Variants in RPTOR observed in about 807,000 individuals in gnomAD.
The protein encoded by RPTOR is regulatory associated protein of MTOR complex 1.
In RPTOR, 21 loss-of-function variants were observed where a neutral mutation model predicts 169.9. The ratio of observed to expected loss-of-function variants is 0.12; its 90% CI spans 0.09 to 0.18. The LOEUF (loss-of-function observed/expected upper bound fraction) is 0.18, where lower values mean the gene tolerates loss of function less well. Among genes scored for constraint, RPTOR ranks in the 10% least tolerant of loss-of-function variants. RPTOR has a pLI of 1.00. For synonymous variants in RPTOR, 732 were observed against 753.2 expected, an observed-to-expected ratio of 0.97 and a Z score of 0.46; for missense variants, 1,133 against 1,855.9, an observed-to-expected ratio of 0.61 and a Z score of 7.16.
chr17:80,719,886 A>G (rs1038954744), intron 4 of RPTOR, among the ~76,000 whole-genome samples: 30 of 152,120 alleles, frequency 2.0e-4, no homozygotes, highest in Admixed American at 1.9e-3. Context: ...TTATTCCATG[A>G]GCAATTCTAA....
Position 80,923,472 on chromosome 17 carries a change from T to C in RPTOR, c.2625-18T>C. The C allele has an allele frequency of 1.2e-6, 2 of 1,613,694 alleles. No individual in the cohort carries two copies. Among genetic ancestry groups the C allele is most frequent in the African/African-American group, 1.3e-5 (1 of 75,050 alleles). The stretch of plus-strand genomic sequence containing the variant: ...GACTCTGCAGAGGATGCAGTGTTTG[T>C]TTTTCTTCCAATGGCAGGGGCTCCC... On this transcript the variant is annotated intron_variant, in intron 22 of 33. Transcript: ENST00000306801.
Position 80,695,996 on chromosome 17 carries a change from T to C in RPTOR, c.349-11845T>C, listed in dbSNP as rs1422681918. 6.6e-6 allele frequency among the ~76,000 whole-genome samples: 1 copy of C among 152,246 alleles called. No homozygotes were observed. The highest frequency in any genetic ancestry group is 1.5e-5 in the Non-Finnish European group (1 of 68,042). Reference sequence around the variant, plus strand: ...CTTAGATGGAAATTGGCCGTGTCTCTGCTGTTTCTGAGTGTGCGACTCTCA... The same window carrying C: ...CTTAGATGGAAATTGGCCGTGTCTCCGCTGTTTCTGAGTGTGCGACTCTCA... On this transcript the variant is annotated intron_variant, in intron 3 of 33. Coordinates refer to ENST00000306801, the MANE Select transcript of RPTOR (RefSeq NM_020761.3). This position sits in a 1 kb window ranked among gnomAD's most constrained non-coding sequence, Gnocchi z 4.9.
chr17:80,948,119 G>T (rs1308775930), intron 27 of RPTOR, among the ~76,000 whole-genome samples: 1 of 152,236 alleles, frequency 6.6e-6, no homozygotes, highest in Non-Finnish European at 1.5e-5. Flanking sequence ...AGGCAGGCGG[G>T]GGAGGCCAGC....
At chr17:80,673,227 C>T (rs1032991947) in intron 3 of RPTOR, among the ~76,000 whole-genome samples, 4 of 152,090 alleles carry the variant, frequency 2.6e-5, no homozygotes, top group Non-Finnish European at 4.4e-5. Flanking sequence ...CCTCTTTTTA[C>T]ATTATTAACA....
chr17:80,909,360 C>G (rs764351407), intron 21 of RPTOR, among the ~76,000 whole-genome samples: 38 of 151,904 alleles, frequency 2.5e-4, no homozygotes, highest in Non-Finnish European at 4.4e-4. Flanking sequence ...GGATTACAAG[C>G]GTGAGCCACT....
At chr17:80,961,068 G>A in intron 30 of RPTOR, 2 of 377,410 alleles carry the variant, frequency 5.3e-6, no homozygotes, top group Non-Finnish European at 9.6e-6. Flanking sequence ...CAAAGGGTGG[G>A]CAGGGCCTGG....
intron 3 of RPTOR, among the ~76,000 whole-genome samples, chr17:80,664,016 A>G (rs2065744521): frequency 6.6e-6 from 1 of 152,130 alleles, no homozygotes. Flanking sequence ...GTGGTGGCTG[A>G]GACAGAAACC....
intron 24 of RPTOR, 87 bp downstream of exon 24, chr17:80,925,567 G>C (rs1183364050): frequency 2.1e-5 from 23 of 1,073,624 alleles, no homozygotes; most frequent in Non-Finnish European, 2.8e-5. Context: ...CAAGGCTTGT[G>C]GCTGTGGGAG....
At position 80,949,525 on chromosome 17, in the gene RPTOR, G is replaced by A. The variant is rs767643958; in HGVS notation, c.3348G>A (p.Ser1116=). The A allele has an allele frequency of 3.3e-5, 54 of 1,613,996 alleles. No individual in the cohort carries two copies. In the East Asian group the frequency reaches 4.7e-4, roughly 14 times the overall value. Residue 1116 remains serine (S), a synonymous_variant, in exon 28 of 34, where the codon TCG becomes TCA. Coordinates refer to ENST00000306801, the MANE Select transcript of RPTOR (RefSeq NM_020761.3). ...TGGTGACCGCGTGGCAGGGGCTCTC[G>A]GACATGCTGCCAACGACGCGAGGTG... is the stretch of plus-strand genomic sequence containing the variant. The part of the protein sequence containing the change: ...PEMVTAWQGL[S]DMLPTTRGAG...
intron 3 of RPTOR, among the ~76,000 whole-genome samples, chr17:80,669,090 C>T (rs572154547): frequency 2.0e-5 from 3 of 152,304 alleles, no homozygotes; most frequent in South Asian, 2.1e-4. Context: ...AAGTGTGCAC[C>T]GAGGGAGGTG....
At chr17:80,567,620 C>G (rs915186529) in intron 1 of RPTOR, among the ~76,000 whole-genome samples, 11 of 151,626 alleles carry the variant, frequency 7.3e-5, no homozygotes, top group Non-Finnish European at 1.6e-4. Flanking sequence ...TGAACCCTGT[C>G]TCTACTAAAA....
chr17:80,549,776 A>G (rs2084322647), intron 1 of RPTOR, among the ~76,000 whole-genome samples: 2 of 152,202 alleles, frequency 1.3e-5, no homozygotes, highest in South Asian at 2.1e-4. Flanking sequence ...TGCTATGTCT[A>G]CACACATGTA....
chr17:80,763,044 C>T (rs946176738), intron 6 of RPTOR, among the ~76,000 whole-genome samples: 3 of 152,066 alleles, frequency 2.0e-5, no homozygotes, highest in South Asian at 2.1e-4. Flanking sequence ...TAAAGCAAAA[C>T]GTTTAAGCCT....
At chr17:80,840,596 A>T (rs1368676697) in intron 10 of RPTOR, among the ~76,000 whole-genome samples, 1 of 82,682 alleles carries the variant, frequency 1.2e-5, no homozygotes, top group Non-Finnish European at 2.4e-5. Context: ...CATTCACCGC[A>T]CGGCAGCTCA....
chr17:80,885,240 G>A (rs2068232108), intron 17 of RPTOR, 92 bp downstream of exon 17: 1 of 1,395,270 alleles, frequency 7.2e-7, no homozygotes, highest in Non-Finnish European at 9.6e-7. Flanking sequence ...ACCACAGCAG[G>A]GAGCACTCAG....
At chr17:80,808,241 A>G (rs772938331) in intron 7 of RPTOR, among the ~76,000 whole-genome samples, 10 of 152,150 alleles carry the variant, frequency 6.6e-5, no homozygotes, top group African/African-American at 2.4e-4. Flanking sequence ...CCTGAGCAAC[A>G]TAGCAAGACC....
At chr17:80,885,223 G>C in intron 17 of RPTOR, 75 bp downstream of exon 17, 1 of 1,492,062 alleles carries the variant, frequency 6.7e-7, no homozygotes, top group Non-Finnish European at 9.0e-7. Context: ...AAGCCCGCAT[G>C]GCCCTGACCA....
rs994756455 is a variant in RPTOR at position 80,803,249 on chromosome 17, G to A, written c.890+11740G>A. ...CCGGTGCTCATCACAGCCACCCGGC[G>A]AGCAGCCTCTGAGGCCATCTCCATT... On this transcript the variant is annotated intron_variant, in intron 7 of 33. Transcript: ENST00000306801. The surrounding 1 kb of genome is among the most constrained non-coding windows in gnomAD (Gnocchi z 6.2). 2 of 152,276 alleles carry A rather than the reference G, an allele frequency of 1.3e-5. No homozygotes were observed. The highest frequency in any genetic ancestry group is 2.4e-5 in the African/African-American group (1 of 41,464). The allele number at this position is 152,276 out of a possible 1,614,324, so 9.4% of individuals were successfully genotyped here.
chr17:80,566,802 C>T lies in RPTOR; in HGVS notation c.162+21011C>T, dbSNP rs1424905430. Among the ~76,000 whole-genome samples the T allele has an allele frequency of 8.0e-5, 9 of 112,186 alleles. No individual in the cohort carries two copies. In the East Asian group the frequency reaches 1.7e-3, roughly 21 times the overall value. The allele number at this position is 112,186 out of a possible 152,430, so 73.6% of individuals were successfully genotyped here. A position where few individuals can be genotyped will look rare whatever the true frequency, so the allele number is the denominator to read the frequency against. On this transcript the variant is annotated intron_variant, in intron 1 of 33. Coordinates refer to ENST00000306801, the MANE Select transcript of RPTOR (RefSeq NM_020761.3). ...CCGCGCCACTGCACTCCAGCGTGGG[C>T]GACAGAGCGAGACTCCGTCTCAAAA...
Sources: gnomAD v4.1 joint callset for allele counts (sites outside exome capture counted in the v4.1 genomes callset) on GRCh38, gnomAD v4.1.1 for gene constraint, Gnocchi (gnomAD v3.1) non-coding constraint, MANE v1.5 for transcripts, NCBI Gene and HGNC (gene_info 2026-07-23, HGNC 2026-07-21) for gene names.